MPDZ: variants seen among roughly 807,000 people sequenced by gnomAD.
MPDZ encodes multiple PDZ domain crumbs cell polarity complex component, also known as multiple PDZ domain protein.
A neutral mutation model predicts 239.1 loss-of-function variants in MPDZ; 234 were observed. The observed-to-expected ratio is 0.98, with a 90% CI of 0.88 to 1.09. MPDZ has a LOEUF of 1.09. Among genes scored for constraint, MPDZ ranks in the 50% least tolerant of loss-of-function variants. MPDZ has a pLI of 0.00. For synonymous variants in MPDZ, 1,048 were observed against 881.3 expected (o/e 1.19, Z -3.35); for missense variants, 3,175 against 2,510.0 (o/e 1.26, Z -5.66).
Position 13,113,034 on chromosome 9 carries a change from A to T in MPDZ, c.5578T>A (p.Leu1860Ile), listed in dbSNP as rs1205986959. Residue 1860 changes from leucine (L) to isoleucine (I), a missense_variant, in exon 42 of 47, where the codon TTA becomes ATA. Transcript: ENST00000319217. Reference protein sequence around the residue: ...KNALASEIQGLRTVEMKKGPT... With the variant: ...KNALASEIQGIRTVEMKKGPT... ...ACCTTTTTCATTTCGACTGTTCTTA[A>T]TCCCTGTATTTCAGATGCCACTGTA... 2.5e-6 allele frequency: 4 copies of T among 1,585,992 alleles called. No individual in the cohort carries two copies. In the East Asian group the frequency reaches 6.8e-5, roughly 27 times the overall value.
chr9:13,186,306 C>T lies in MPDZ; in HGVS notation c.2445G>A (p.Leu815=). Residue 815 remains leucine (L), a synonymous_variant, in exon 18 of 47, where the codon CTG becomes CTA. Transcript: ENST00000319217. ...YPPHSCEEAG[L]ADKPLFRADL... is the part of the protein sequence containing the mutation. ...CAGCCCTGAAGAGGGGTTTGTCAGC[C>T]AGCCCTGCTTCCTCACAGGAGTGTG... 1.3e-6 allele frequency: 2 copies of T among 1,594,836 alleles called. No homozygotes were observed. Among genetic ancestry groups the T allele is most frequent in the African/African-American group, 2.7e-5 (2 of 74,598 alleles).
Position 13,109,950 on chromosome 9 carries a change from A to G in MPDZ, c.5942+2T>C. 1 of 1,609,078 alleles carries G rather than the reference A, an allele frequency of 6.2e-7. No individual in the cohort carries two copies. Among genetic ancestry groups the G allele is most frequent in the Non-Finnish European group, 8.5e-7 (1 of 1,176,912 alleles). On this transcript the variant is annotated splice_donor_variant, in intron 45 of 46. Coordinates refer to ENST00000319217, the MANE Select transcript of MPDZ (RefSeq NM_001378778.1). LOFTEE classifies it high-confidence loss of function. ...TACACTAATCATCATGTATGAACTC[A>G]CCCTAAATCATCCTGAAATATACTG...
chr9:13,212,205 T>G (rs1257787708), intron 10 of MPDZ, among the ~76,000 whole-genome samples: 2 of 152,100 alleles, frequency 1.3e-5, no homozygotes, highest in East Asian at 3.9e-4. Flanking sequence ...TCTTCTGAAC[T>G]TGATGACTTG....
chr9:13,243,953 C>G (rs931325388), intron 3 of MPDZ, among the ~76,000 whole-genome samples: 32 of 152,204 alleles, frequency 2.1e-4, no homozygotes, highest in Admixed American at 9.8e-4. Context: ...TATTTGCCAT[C>G]TAAGCAGCTT....
At position 13,176,170 on chromosome 9, in the gene MPDZ, TCTGCA is replaced by T. The variant is rs777683082; in HGVS notation, c.2892_2896del (p.Ser964ArgfsTer15). 35 of 1,603,008 alleles carry T rather than the reference TCTGCA, an allele frequency of 2.2e-5. No homozygotes were observed. Among genetic ancestry groups the T allele is most frequent in the Non-Finnish European group, 2.9e-5 (34 of 1,173,880 alleles). ...TGAATCGGGTAGCACAGAAGGAAGTTCTGCACTTGATATAACTTCACTTGGTAAAT... is the reference window on the plus strand; with the variant it reads ...TGAATCGGGTAGCACAGAAGGAAGTTCTTGATATAACTTCACTTGGTAAAT... On this transcript the variant is annotated frameshift_variant, in exon 20 of 47. Coordinates refer to ENST00000319217, the MANE Select transcript of MPDZ (RefSeq NM_001378778.1). LOFTEE classifies it high-confidence loss of function.
chr9:13,129,719 T>C (rs1469069414), intron 32 of MPDZ, among the ~76,000 whole-genome samples: 1 of 152,096 alleles, frequency 6.6e-6, no homozygotes, highest in Non-Finnish European at 1.5e-5. Flanking sequence ...TTGTGGGTTT[T>C]TTTCTGTTTT....
At chr9:13,212,895 G>A (rs1257721568) in intron 10 of MPDZ, among the ~76,000 whole-genome samples, 2 of 151,612 alleles carry the variant, frequency 1.3e-5, no homozygotes, top group Admixed American at 6.6e-5. Flanking sequence ...ATACTAGTTG[G>A]AACAACTTAC....
chr9:13,251,345 C>T lies in MPDZ; in HGVS notation c.-57-973G>A, dbSNP rs1239363540. 2.6e-5 allele frequency among the ~76,000 whole-genome samples: 4 copies of T among 152,070 alleles called. No homozygotes were observed. In the South Asian group the frequency reaches 8.3e-4, roughly 32 times the overall value. Reference sequence around the variant, plus strand: ...CCATTCAAAGAAATCTTCTCAACTCCTTCAATCCACACATCTCATCTTTCT... The same window carrying T: ...CCATTCAAAGAAATCTTCTCAACTCTTTCAATCCACACATCTCATCTTTCT... On this transcript the variant is annotated intron_variant, in intron 1 of 46. Coordinates refer to ENST00000319217, the MANE Select transcript of MPDZ (RefSeq NM_001378778.1).
chr9:13,165,139 G>C (rs1262224283), intron 22 of MPDZ, among the ~76,000 whole-genome samples: 3 of 152,092 alleles, frequency 2.0e-5, no homozygotes, highest in Non-Finnish European at 1.5e-5. Flanking sequence ...TGGAAAATAT[G>C]ATTTTCAAAT....
chr9:13,223,695 C>T lies in MPDZ; in HGVS notation c.409G>A (p.Val137Ile). 1 of 1,605,460 alleles carries T rather than the reference C, an allele frequency of 6.2e-7. No individual in the cohort carries two copies. The highest frequency in any genetic ancestry group is 1.1e-5 in the South Asian group (1 of 90,082). The change falls in exon 5 of 47, where the codon GTT (valine) becomes ATT (isoleucine). Residue 137 changes from valine to isoleucine, a missense_variant. Val to Ile is a conservative substitution (Grantham distance 29, BLOSUM62 3). Coordinates refer to ENST00000319217, the MANE Select transcript of MPDZ (RefSeq NM_001378778.1). The part of the protein sequence containing the change: ...KNMAQGRHVE[V>I]FELLKPPSGG... ...GATGGAGGTTTGAGGAGCTCAAAAA[C>T]TTCTACATGGCGACCCTGTTTAGGA... is the stretch of plus-strand genomic sequence containing the variant.
chr9:13,106,388 A>C lies in MPDZ; in HGVS notation c.*577T>G, dbSNP rs1941471134. 1 of 152,180 alleles carries C rather than the reference A, an allele frequency of 6.6e-6. No homozygotes were observed. The highest frequency in any genetic ancestry group is 1.5e-5 in the Non-Finnish European group (1 of 68,034). The allele number at this position is 152,180 out of a possible 1,614,324, so 9.4% of individuals were successfully genotyped here. A position where few individuals can be genotyped will look rare whatever the true frequency, so the allele number is the denominator to read the frequency against. ...ACCAATTTTAGCAGGAAAAATATAT[A>C]TGCATATTAGAGGTGGGGAGATGCA... On this transcript the variant is annotated 3_prime_UTR_variant, in exon 47 of 47. Coordinates refer to ENST00000319217, the MANE Select transcript of MPDZ (RefSeq NM_001378778.1).
At chr9:13,149,143 G>C (rs1397199120) in intron 25 of MPDZ, among the ~76,000 whole-genome samples, 1 of 151,718 alleles carries the variant, frequency 6.6e-6, no homozygotes, top group Non-Finnish European at 1.5e-5. Flanking sequence ...TCTAATGAAA[G>C]AATGCAGGAG....
In MPDZ at chr9:13,150,619, A is replaced by G; in HGVS notation, c.3522T>C (p.Ser1174=). Reference sequence around the variant, plus strand: ...TCATCACTTCTCCATTGCTTAGCCGACTCCCCATCCCTCGTCCACCAACAA... The same window carrying G: ...TCATCACTTCTCCATTGCTTAGCCGGCTCCCCATCCCTCGTCCACCAACAA... The part of the protein sequence containing the change: ...ISIVGGRGMG[S]RLSNGEVMRG... The change falls in exon 25 of 47, where the codon AGT becomes AGC. Residue 1174 remains serine (S), a synonymous_variant. Transcript: ENST00000319217. 1 of 1,534,314 alleles carries G rather than the reference A, an allele frequency of 6.5e-7. No homozygotes were observed. Among genetic ancestry groups the G allele is most frequent in the Admixed American group, 1.8e-5 (1 of 54,348 alleles).
rs1321893350 is a variant in MPDZ at position 13,110,669 on chromosome 9, T to C, written c.5796A>G (p.Leu1932=). 1 of 1,613,730 alleles carries C rather than the reference T, an allele frequency of 6.2e-7. No homozygotes were observed. Among genetic ancestry groups the C allele is most frequent in the South Asian group, 1.1e-5 (1 of 91,016 alleles). The change falls in exon 44 of 47, where the codon CTA becomes CTG. Residue 1932 remains leucine, a synonymous_variant. Transcript: ENST00000319217. Reference sequence around the variant, plus strand: ...CAATGGAGCCAGATGCATTTTTCAGTAGGTTAACTGCTTGGGTGTGAGTCA... The same window carrying C: ...CAATGGAGCCAGATGCATTTTTCAGCAGGTTAACTGCTTGGGTGTGAGTCA... ...EGMTHTQAVN[L]LKNASGSIEM... is the part of the protein sequence containing the mutation.
rs768803387 is a variant in MPDZ at position 13,123,215 on chromosome 9, C to T, written c.4891G>A (p.Glu1631Lys). 22 of 1,613,352 alleles carry T rather than the reference C, an allele frequency of 1.4e-5. No individual in the cohort carries two copies. Among genetic ancestry groups the T allele is most frequent in the Admixed American group, 1.0e-4 (6 of 59,988 alleles). The change falls in exon 36 of 47, where the codon GAG (glutamate) becomes AAG (lysine). Residue 1631 changes from glutamate (E) to lysine (K), a missense_variant. Glu to Lys is a moderately conservative substitution (Grantham distance 56). Transcript: ENST00000319217. ...AGCCCTGTTCGCCCTTTGGAAATCT[C>T]GATGGTTGTTTCGCAGCCAGGGATA... is the stretch of plus-strand genomic sequence containing the variant. The part of the protein sequence containing the change: ...PIIPGCETTI[E>K]ISKGRTGLGL...
intron 1 of MPDZ, among the ~76,000 whole-genome samples, chr9:13,267,135 A>G (rs142539148): frequency 6.6e-6 from 1 of 152,372 alleles, no homozygotes; most frequent in East Asian, 1.9e-4. Context: ...ATAACAACTA[A>G]TAATAAAATT....
At chr9:13,277,851 C>T (rs899531166) in intron 1 of MPDZ, among the ~76,000 whole-genome samples, 1 of 152,196 alleles carries the variant, frequency 6.6e-6, no homozygotes, top group African/African-American at 2.4e-5. Flanking sequence ...AAGCGTGAGC[C>T]ATTGCGCCTG....
Position 13,125,271 on chromosome 9 carries a change from G to C in MPDZ, c.4752C>G (p.Ser1584Arg). ...ACTGTGGGACCATCAGAGACTGGGA[G>C]CTGTTCTTTTTTTCTCCACTGGCTG... is the stretch of plus-strand genomic sequence containing the variant. Reference protein sequence around the residue: ...AGAASGEKKNSSQSLMVPQSG... With the variant: ...AGAASGEKKNRSQSLMVPQSG... Residue 1584 changes from serine to arginine, a missense_variant, in exon 35 of 47, where the codon AGC (serine) becomes AGG (arginine). By Grantham distance (110) the Ser-to-Arg change is moderately radical (BLOSUM62 -1). Transcript: ENST00000319217. 6.2e-7 allele frequency: 1 copy of C among 1,613,436 alleles called. No individual in the cohort carries two copies. The highest frequency in any genetic ancestry group is 8.5e-7 in the Non-Finnish European group (1 of 1,179,480).
At chr9:13,277,111 G>T (rs925499726) in intron 1 of MPDZ, among the ~76,000 whole-genome samples, 1 of 152,136 alleles carries the variant, frequency 6.6e-6, no homozygotes, top group Admixed American at 6.5e-5. Context: ...AAATGCATCT[G>T]AAAAGGAAAG....
Sources: allele counts gnomAD v4.1 joint callset (sites outside exome capture counted in the v4.1 genomes callset), GRCh38; gene constraint gnomAD v4.1.1; transcripts MANE v1.5; gene names NCBI Gene and HGNC (gene_info 2026-07-23, HGNC 2026-07-21).